The following EPHX4 variants were observed in gnomAD, a reference collection of about 807,000 sequenced individuals.
The protein encoded by EPHX4 is abhydrolase domain containing 7.
EPHX4 carries 31 observed loss-of-function variants against 44.9 expected under a neutral mutation model. The ratio of observed to expected loss-of-function variants is 0.69; its 90% CI spans 0.52 to 0.93. The LOEUF (loss-of-function observed/expected upper bound fraction) is 0.93, where lower values mean the gene tolerates loss of function less well. EPHX4 is among the 40% of genes least tolerant of loss of function. The pLI, the probability that EPHX4 is intolerant of heterozygous loss-of-function variation, is 0.00. For synonymous variants in EPHX4, 151 were observed against 159.7 expected, an observed-to-expected ratio of 0.95 and a Z score of 0.41; for missense variants, 373 against 438.1, an observed-to-expected ratio of 0.85 and a Z score of 1.33.
chr1:92,063,353 A>C lies in EPHX4; in HGVS notation c.*67A>C. The C allele has an allele frequency of 1.7e-6, 2 of 1,196,416 alleles. No homozygotes were observed. The highest frequency in any genetic ancestry group is 2.3e-6 in the Non-Finnish European group (2 of 884,852). 74.1% of individuals were successfully genotyped at this position (1,196,416 alleles called of 1,614,324 possible). A position where few individuals can be genotyped will look rare whatever the true frequency, so the allele number is the denominator to read the frequency against. ...AAATAATTTTTAAAAATTGTTCATC[A>C]ACTTCTTTATGTTTTATTAGAAAAA... On this transcript the variant is annotated 3_prime_UTR_variant, in exon 7 of 7. Transcript: ENST00000370383.
intron 1 of EPHX4, among the ~76,000 whole-genome samples, chr1:92,031,897 A>G (rs1688367386): frequency 6.6e-6 from 1 of 152,132 alleles, no homozygotes; most frequent in African/African-American, 2.4e-5. Context: ...GCACACTGAC[A>G]TGACATGAGC....
intron 6 of EPHX4, among the ~76,000 whole-genome samples, chr1:92,062,600 A>G (rs1205161883): frequency 1.3e-5 from 2 of 151,078 alleles, no homozygotes; most frequent in East Asian, 3.9e-4. Flanking sequence ...AAAAAAAAAA[A>G]AAAAAAAAAA....
chr1:92,034,840 T>C (rs1431101373), intron 2 of EPHX4, among the ~76,000 whole-genome samples: 1 of 152,030 alleles, frequency 6.6e-6, no homozygotes, highest in Non-Finnish European at 1.5e-5. Flanking sequence ...AGTTTTACCA[T>C]GTTAAACAGG....
intron 2 of EPHX4, among the ~76,000 whole-genome samples, chr1:92,041,813 G>C (rs1209774163): frequency 1.2e-4 from 18 of 152,070 alleles, no homozygotes; most frequent in Admixed American, 1.2e-3. Flanking sequence ...GGCTGAAGTG[G>C]GCCAATCACC....
At chr1:92,058,471 A>C (rs1468940505) in intron 6 of EPHX4, among the ~76,000 whole-genome samples, 2 of 152,004 alleles carry the variant, frequency 1.3e-5, no homozygotes, top group African/African-American at 4.8e-5. Context: ...CATTAATTTG[A>C]TTACCACATT....
intron 2 of EPHX4, 75 bp downstream of exon 2, chr1:92,032,665 A>G: frequency 1.8e-6 from 2 of 1,126,462 alleles, no homozygotes; most frequent in Non-Finnish European, 2.7e-6. Context: ...TGCTGCTGTA[A>G]CAGAATATCA....
rs753679342 is a variant in EPHX4 at position 92,030,211 on chromosome 1, C to A, written c.132C>A (p.Gly44=). ...IHLLKLLWSL[G]KGPAQTFRRP... ...TGCTCAAACTTTTGTGGAGCCTCGGCAAGGGGCCGGCGCAGACCTTCCGGC... is the reference window on the plus strand; with the variant it reads ...TGCTCAAACTTTTGTGGAGCCTCGGAAAGGGGCCGGCGCAGACCTTCCGGC... Residue 44 remains glycine (G), a synonymous_variant, in exon 1 of 7, where the codon GGC becomes GGA. Transcript: ENST00000370383. 1.2e-6 allele frequency: 2 copies of A among 1,606,944 alleles called. No homozygotes were observed. The highest frequency in any genetic ancestry group is 1.3e-5 in the African/African-American group (1 of 74,720).
At chr1:92,050,144 G>A (rs2101872774) in intron 4 of EPHX4, among the ~76,000 whole-genome samples, 173 bp from the exon 5 acceptor site, 1 of 152,064 alleles carries the variant, frequency 6.6e-6, no homozygotes, top group South Asian at 2.1e-4. Context: ...ATAAATTTTG[G>A]AAATACCGGA....
intron 1 of EPHX4, among the ~76,000 whole-genome samples, chr1:92,031,584 C>T (rs1039073794): frequency 6.6e-6 from 1 of 152,216 alleles, no homozygotes; most frequent in Non-Finnish European, 1.5e-5. Flanking sequence ...ATGTTACCAT[C>T]TTTGGGCCTC....
intron 5 of EPHX4, 134 bp from the exon 6 acceptor site, chr1:92,052,376 A>G (rs1177727137): frequency 1.3e-6 from 1 of 761,608 alleles, no homozygotes; most frequent in Non-Finnish European, 2.1e-6. Context: ...AAACAATGAG[A>G]TCTCAAACTT....
intron 6 of EPHX4, among the ~76,000 whole-genome samples, chr1:92,059,437 A>G (rs1433412908): frequency 7.2e-6 from 1 of 138,766 alleles, no homozygotes; most frequent in Non-Finnish European, 1.6e-5. Context: ...CCCTGTCTCA[A>G]AAAAAAAAGA....
At chr1:92,035,350 G>A (rs1015254907) in intron 2 of EPHX4, among the ~76,000 whole-genome samples, 1 of 152,184 alleles carries the variant, frequency 6.6e-6, no homozygotes, top group Admixed American at 6.5e-5. Context: ...AGCATGGGCA[G>A]TACATTCTGG....
chr1:92,059,750 A>G (rs1186975921), intron 6 of EPHX4, among the ~76,000 whole-genome samples: 2 of 152,234 alleles, frequency 1.3e-5, no homozygotes, highest in African/African-American at 4.8e-5. Context: ...TCTAAGGCAT[A>G]TAGGAATGAC....
At chr1:92,047,724 T>G (rs1234452605) in intron 4 of EPHX4, among the ~76,000 whole-genome samples, 1 of 152,210 alleles carries the variant, frequency 6.6e-6, no homozygotes, top group Non-Finnish European at 1.5e-5. Context: ...TGATTTGTGC[T>G]AAATCAGCAG....
At chr1:92,056,291 C>G (rs1647370097) in intron 6 of EPHX4, among the ~76,000 whole-genome samples, 1 of 152,028 alleles carries the variant, frequency 6.6e-6, no homozygotes, top group Admixed American at 6.6e-5. Context: ...CATTTATTAC[C>G]CTAAGCCTCC....
chr1:92,048,555 T>C (rs952102526), intron 4 of EPHX4, among the ~76,000 whole-genome samples: 6 of 152,192 alleles, frequency 3.9e-5, no homozygotes, highest in African/African-American at 1.4e-4. Context: ...AATTATGACT[T>C]TGCAAAAACT....
chr1:92,038,186 T>C (rs146237425), intron 2 of EPHX4, among the ~76,000 whole-genome samples: 4 of 152,370 alleles, frequency 2.6e-5, no homozygotes, highest in Non-Finnish European at 5.9e-5. Flanking sequence ...GGAAGCATCA[T>C]GTTTGCATAA....
intron 2 of EPHX4, among the ~76,000 whole-genome samples, chr1:92,037,034 T>C (rs772548089): frequency 2.1e-4 from 32 of 152,228 alleles, no homozygotes; most frequent in Admixed American, 4.6e-4. Context: ...AACTCTTTTT[T>C]ATTTTTTTCA....
chr1:92,042,740 A>AG (rs1453231578), intron 2 of EPHX4, 83 bp from the exon 3 acceptor site: 12 of 1,308,474 alleles, frequency 9.2e-6, no homozygotes, highest in East Asian at 2.5e-5. Context: ...AAAAAAAAAA[A>AG]AAAGAAAGGA....
Sources: gnomAD v4.1 joint callset for allele counts (sites outside exome capture counted in the v4.1 genomes callset) on GRCh38, gnomAD v4.1.1 for gene constraint, MANE v1.5 for transcripts, NCBI Gene and HGNC (gene_info 2026-07-23, HGNC 2026-07-21) for gene names.